FRAS1: variants seen among roughly 807,000 people sequenced by gnomAD.
FRAS1 encodes Fraser extracellular matrix complex subunit 1.
In FRAS1, 290 loss-of-function variants were observed where a neutral mutation model predicts 435.2. The ratio of observed to expected loss-of-function variants is 0.67; its 90% CI spans 0.61 to 0.73. The LOEUF (loss-of-function observed/expected upper bound fraction) is 0.73, where lower values mean the gene tolerates loss of function less well. Among genes scored for constraint, FRAS1 ranks in the 30% least tolerant of loss-of-function variants. The probability of loss-of-function intolerance (pLI) is 0.00; values close to 1 mark genes in which losing one functional copy is unlikely to be tolerated. For synonymous variants in FRAS1, 1,800 were observed against 1,851.0 expected, an observed-to-expected ratio of 0.97 and a Z score of 0.71; for missense variants, 4,860 against 5,001.5, an observed-to-expected ratio of 0.97 and a Z score of 0.85.
At chr4:78,378,981 A>T (rs1731895473) in intron 26 of FRAS1, among the ~76,000 whole-genome samples, 1 of 152,100 alleles carries the variant, frequency 6.6e-6, no homozygotes, top group Non-Finnish European at 1.5e-5. Flanking sequence ...TTTTCTTCTA[A>T]GAGTTTTATA....
At chr4:78,465,911 G>A (rs1719512049) in intron 49 of FRAS1, among the ~76,000 whole-genome samples, 1 of 152,128 alleles carries the variant, frequency 6.6e-6, no homozygotes. Context: ...GTTTAAAAAG[G>A]TCTATTTTCT....
intron 14 of FRAS1, among the ~76,000 whole-genome samples, chr4:78,294,878 A>C (rs1353780969): frequency 1.3e-5 from 2 of 152,252 alleles, no homozygotes; most frequent in East Asian, 3.8e-4. Flanking sequence ...AAAGTCAATA[A>C]AATATAAGGT....
chr4:78,435,751 A>C (rs893254159), intron 38 of FRAS1, among the ~76,000 whole-genome samples: 1 of 152,020 alleles, frequency 6.6e-6, no homozygotes. Context: ...AAAAAAAAAA[A>C]AACAACCAGT....
chr4:78,239,547 C>A (rs1448863741), intron 3 of FRAS1, among the ~76,000 whole-genome samples: 67 of 152,066 alleles, frequency 4.4e-4, no homozygotes, highest in Admixed American at 4.4e-3. Context: ...CTCCTTAAAC[C>A]CCTCCAATGG....
At chr4:78,181,955 A>G in intron 2 of FRAS1, 2 of 1,605,862 alleles carry the variant, frequency 1.2e-6, no homozygotes, top group Non-Finnish European at 8.5e-7. Flanking sequence ...CGCTGCCTTC[A>G]GCACCTCGAA....
At chr4:78,368,959 C>T (rs1290676097) in intron 22 of FRAS1, among the ~76,000 whole-genome samples, 1 of 152,066 alleles carries the variant, frequency 6.6e-6, no homozygotes, top group African/African-American at 2.4e-5. Context: ...TACTCTGAAA[C>T]CTGAGCTGTA....
intron 22 of FRAS1, 110 bp downstream of exon 22, chr4:78,364,164 T>TA: frequency 7.9e-7 from 1 of 1,262,206 alleles, no homozygotes; most frequent in Non-Finnish European, 1.1e-6. Flanking sequence ...GTAGCCTTTA[T>TA]TTTTATAAAA....
intron 2 of FRAS1, among the ~76,000 whole-genome samples, chr4:78,130,587 C>T (rs2109982203): frequency 6.6e-6 from 1 of 152,264 alleles, no homozygotes; most frequent in East Asian, 1.9e-4. Flanking sequence ...GCCGGTTCAA[C>T]TTAATATTCA....
In FRAS1 at chr4:78,515,923, C is replaced by G. The variant is rs377102088; in HGVS notation, c.10299C>G (p.Asn3433Lys). ...CCATCCAGCTCTACAAACACCTGAA[C>G]CTGAAGAGCTGCGTGTGGACCTTTG... is the stretch of plus-strand genomic sequence containing the variant. ...PKTIQLYKHL[N>K]LKSCVWTFDA... Residue 3433 changes from asparagine (N) to lysine (K), a missense_variant, in exon 66 of 74, where the codon AAC becomes AAG. Asn to Lys is a moderately conservative substitution (Grantham distance 94). Coordinates refer to ENST00000512123, the MANE Select transcript of FRAS1 (RefSeq NM_025074.7). 1.9e-6 allele frequency: 3 copies of G among 1,613,874 alleles called. No individual in the cohort carries two copies. Among genetic ancestry groups the G allele is most frequent in the African/African-American group, 1.3e-5 (1 of 74,928 alleles).
At chr4:78,506,621 G>A (rs1720852896) in intron 61 of FRAS1, among the ~76,000 whole-genome samples, 1 of 152,200 alleles carries the variant, frequency 6.6e-6, no homozygotes, top group African/African-American at 2.4e-5. Context: ...GCAGTATTTG[G>A]GCAGGCGTGT....
chr4:78,497,636 G>A (rs1178526525), intron 60 of FRAS1, among the ~76,000 whole-genome samples: 2 of 152,094 alleles, frequency 1.3e-5, no homozygotes, highest in African/African-American at 4.8e-5. Context: ...TGAGGTTGGT[G>A]CTATTATTTC....
intron 29 of FRAS1, among the ~76,000 whole-genome samples, chr4:78,388,934 CTT>C (rs748350662): frequency 6.6e-6 from 1 of 152,194 alleles, no homozygotes; most frequent in Non-Finnish European, 1.5e-5. Context: ...TATCAACTTA[CTT>C]TTTATTGTAG....
intron 59 of FRAS1, among the ~76,000 whole-genome samples, chr4:78,496,478 A>C (rs142130722): frequency 0.011 from 1,739 of 152,334 alleles, 29 homozygotes; most frequent in African/African-American, 0.04. Flanking sequence ...ATTAAGCAGC[A>C]CAGAAAAAAA....
At chr4:78,412,575 T>A (rs972260537) in intron 31 of FRAS1, among the ~76,000 whole-genome samples, 1 of 152,252 alleles carries the variant, frequency 6.6e-6, no homozygotes, top group East Asian at 1.9e-4. Context: ...TCAAAAATTA[T>A]GTTTTCTAGC....
intron 28 of FRAS1, among the ~76,000 whole-genome samples, chr4:78,385,429 A>G (rs1381660086): frequency 6.6e-6 from 1 of 152,228 alleles, no homozygotes; most frequent in African/African-American, 2.4e-5. Context: ...ATAACAACAT[A>G]GACTTGAACC....
intron 36 of FRAS1, among the ~76,000 whole-genome samples, 151 bp from the exon 37 acceptor site, chr4:78,430,140 CT>C (rs1432838691): frequency 1.2e-4 from 18 of 152,178 alleles, no homozygotes; most frequent in African/African-American, 4.3e-4. Flanking sequence ...TGTTTTTACT[CT>C]TTTGTGCCTG....
At position 78,284,559 on chromosome 4, in the gene FRAS1, A is replaced by G; in HGVS notation, c.1399+11A>G. ...GCAGTCTCTGTTTAGGTATGGCTCC[A>G]AGTGGACAACCCAGAGGTGGTGGTG... On this transcript the variant is annotated intron_variant, in intron 13 of 73. Coordinates refer to ENST00000512123, the MANE Select transcript of FRAS1 (RefSeq NM_025074.7). 2 of 1,605,454 alleles carry G rather than the reference A, an allele frequency of 1.2e-6. No homozygotes were observed. Among genetic ancestry groups the G allele is most frequent in the East Asian group, 2.2e-5 (1 of 44,484 alleles).
chr4:78,293,965 A>G (rs1327078245), intron 14 of FRAS1, among the ~76,000 whole-genome samples: 1 of 152,224 alleles, frequency 6.6e-6, no homozygotes, highest in Non-Finnish European at 1.5e-5. Flanking sequence ...TATCTTTCAG[A>G]CAGATCCCAT....
intron 58 of FRAS1, among the ~76,000 whole-genome samples, chr4:78,483,652 A>C (rs1210188812): frequency 2.0e-5 from 3 of 151,562 alleles, no homozygotes; most frequent in Non-Finnish European, 4.4e-5. Flanking sequence ...AAAAGCGTAT[A>C]CTATGAAAAT....
Sources: gnomAD v4.1 joint callset for allele counts (sites outside exome capture counted in the v4.1 genomes callset) on GRCh38, gnomAD v4.1.1 for gene constraint, MANE v1.5 for transcripts, NCBI Gene and HGNC (gene_info 2026-07-23, HGNC 2026-07-21) for gene names.